Variants in RABGAP1L observed in about 807,000 individuals in gnomAD.
The protein encoded by RABGAP1L is rab GTPase-activating protein 1-like.
In RABGAP1L, 63 loss-of-function variants were observed where a neutral mutation model predicts 137.7. The ratio of observed to expected loss-of-function variants is 0.46; its 90% CI spans 0.37 to 0.56. RABGAP1L has a LOEUF of 0.56. Among genes scored for constraint, RABGAP1L ranks in the 20% least tolerant of loss-of-function variants. RABGAP1L has a pLI of 0.00. For missense variants in RABGAP1L, 1,095 were observed against 1,244.0 expected (o/e 0.88, Z 1.80); for synonymous variants, 431 against 433.7 (o/e 0.99, Z 0.08).
intron 10 of RABGAP1L, among the ~76,000 whole-genome samples, chr1:174,303,615 A>AT (rs1424007887): frequency 2.6e-5 from 4 of 152,134 alleles, no homozygotes; most frequent in Non-Finnish European, 5.9e-5. Context: ...ATACAGATTG[A>AT]TTTTTTAGTT....
chr1:174,806,966 A>G (rs773372821), intron 18 of RABGAP1L, among the ~76,000 whole-genome samples: 1 of 152,098 alleles, frequency 6.6e-6, no homozygotes, highest in Non-Finnish European at 1.5e-5. Context: ...TTGTATTTTT[A>G]GTAGATACAG....
chr1:174,797,009 A>G (rs1483888796), intron 18 of RABGAP1L, among the ~76,000 whole-genome samples: 1 of 150,786 alleles, frequency 6.6e-6, no homozygotes, highest in East Asian at 1.9e-4. Context: ...TCTGTCTCAA[A>G]AAAAAAAAAT....
chr1:174,543,154 AC>A (rs1403885582), intron 13 of RABGAP1L, among the ~76,000 whole-genome samples: 1 of 151,986 alleles, frequency 6.6e-6, no homozygotes, highest in Non-Finnish European at 1.5e-5. Context: ...ATCCTTGTTA[AC>A]TTTCTGTCTC....
intron 19 of RABGAP1L, among the ~76,000 whole-genome samples, chr1:174,819,061 G>T (rs1336625629): frequency 6.6e-6 from 1 of 151,222 alleles, no homozygotes; most frequent in African/African-American, 2.4e-5. Flanking sequence ...CACATGCCGG[G>T]AGTCCTAGCT....
intron 6 of RABGAP1L, among the ~76,000 whole-genome samples, chr1:174,252,254 T>C (rs1348400630): frequency 1.3e-5 from 2 of 152,230 alleles, no homozygotes; most frequent in African/African-American, 4.8e-5. Flanking sequence ...TATAAGGCTC[T>C]TGTAAACTCA....
chr1:174,917,057 C>T (rs1434766497), intron 19 of RABGAP1L, among the ~76,000 whole-genome samples: 1 of 152,180 alleles, frequency 6.6e-6, no homozygotes, highest in Admixed American at 6.5e-5. Context: ...TCTCACATGG[C>T]AGAGAGGGAG....
At chr1:174,800,416 G>C (rs758488528) in intron 18 of RABGAP1L, 13 of 1,550,700 alleles carry the variant, frequency 8.4e-6, no homozygotes, top group Non-Finnish European at 8.7e-7. Flanking sequence ...ACGACGAGAG[G>C]AGCAAGCTGG....
chr1:174,318,750 A>G (rs1679663904), intron 11 of RABGAP1L, among the ~76,000 whole-genome samples: 1 of 148,304 alleles, frequency 6.7e-6, no homozygotes, highest in Non-Finnish European at 1.5e-5. Context: ...TCTTTTATGT[A>G]TTTGCTATAC....
chr1:174,476,400 A>G (rs531410087), intron 13 of RABGAP1L, among the ~76,000 whole-genome samples: 2 of 152,192 alleles, frequency 1.3e-5, no homozygotes, highest in African/African-American at 2.4e-5. Flanking sequence ...AATTGTAAAA[A>G]CTTTTACACT....
At chr1:174,741,394 G>T (rs1003541701) in intron 17 of RABGAP1L, among the ~76,000 whole-genome samples, 1 of 151,966 alleles carries the variant, frequency 6.6e-6, no homozygotes, top group African/African-American at 2.4e-5. Flanking sequence ...ACAGAGTCTT[G>T]CCTTGTCACC....
intron 17 of RABGAP1L, among the ~76,000 whole-genome samples, chr1:174,736,026 C>G (rs1390265829): frequency 1.3e-5 from 2 of 152,154 alleles, no homozygotes; most frequent in Admixed American, 6.5e-5. Context: ...CTACCCCTGG[C>G]CTCTCAAACC....
intron 23 of RABGAP1L, among the ~76,000 whole-genome samples, chr1:174,981,483 A>G (rs1671099569): frequency 6.7e-6 from 1 of 149,628 alleles, no homozygotes; most frequent in African/African-American, 2.5e-5. Context: ...TTTTGATAAT[A>G]GAGGTAGACC....
intron 13 of RABGAP1L, among the ~76,000 whole-genome samples, chr1:174,579,004 G>A (rs1050773267): frequency 2.0e-5 from 3 of 152,072 alleles, no homozygotes; most frequent in Non-Finnish European, 2.9e-5. Context: ...ATAGAACACA[G>A]TCATTTAAGT....
chr1:174,348,883 C>T (rs1225762304), intron 11 of RABGAP1L, among the ~76,000 whole-genome samples: 1 of 152,246 alleles, frequency 6.6e-6, no homozygotes, highest in Non-Finnish European at 1.5e-5. Flanking sequence ...CGGCAACCAT[C>T]CGATTTCCCA....
intron 11 of RABGAP1L, among the ~76,000 whole-genome samples, chr1:174,329,357 A>G (rs1558137593): frequency 6.6e-6 from 1 of 152,200 alleles, no homozygotes; most frequent in Non-Finnish European, 1.5e-5. Context: ...CCTCCCATCA[A>G]AGAAAATTCA....
In RABGAP1L at chr1:174,241,348, A is replaced by G. The variant is rs531721010; in HGVS notation, c.543-135A>G. The G allele has an allele frequency of 1.7e-5, 9 of 536,722 alleles. No individual in the cohort carries two copies. In the East Asian group the frequency reaches 3.0e-4, roughly 18 times the overall value. 33.2% of individuals were successfully genotyped at this position (536,722 alleles called of 1,614,324 possible). A position where few individuals can be genotyped will look rare whatever the true frequency, so the allele number is the denominator to read the frequency against. On this transcript the variant is annotated intron_variant, in intron 4 of 25. Transcript: ENST00000681986. ...CAAAACAAAACAAAACAAAAAAGAT[A>G]GTTATTTTATATATCATATATTGTC...
chr1:174,780,727 C>G (rs1328768550), intron 18 of RABGAP1L, among the ~76,000 whole-genome samples: 7 of 131,822 alleles, frequency 5.3e-5, no homozygotes, highest in African/African-American at 8.3e-5. Flanking sequence ...CCCACCCCCC[C>G]ACCCCACAAC....
intron 11 of RABGAP1L, among the ~76,000 whole-genome samples, chr1:174,334,354 C>A (rs1483086986): frequency 6.6e-6 from 1 of 152,148 alleles, no homozygotes; most frequent in African/African-American, 2.4e-5. Flanking sequence ...CCAGCCTTGT[C>A]CCCTCCCCTG....
At chr1:174,622,437 A>C (rs1451498828) in intron 13 of RABGAP1L, among the ~76,000 whole-genome samples, 2 of 152,248 alleles carry the variant, frequency 1.3e-5, no homozygotes, top group Non-Finnish European at 2.9e-5. Context: ...CACAATAGCA[A>C]AGACTTGGAA....
Sources: allele counts gnomAD v4.1 joint callset (sites outside exome capture counted in the v4.1 genomes callset), GRCh38; gene constraint gnomAD v4.1.1; transcripts MANE v1.5; gene names NCBI Gene and HGNC (gene_info 2026-07-23, HGNC 2026-07-21).